COL6A5: variants seen among roughly 807,000 people sequenced by gnomAD.
COL6A5 encodes collagen type VI alpha 5 chain, also known as collagen alpha-5(VI) chain.
COL6A5 carries 48 observed loss-of-function variants against 65.6 expected under a neutral mutation model. The observed-to-expected ratio is 0.73, with a 90% CI of 0.58 to 0.93. The LOEUF (loss-of-function observed/expected upper bound fraction) is 0.93, where lower values mean the gene tolerates loss of function less well. Among genes scored for constraint, COL6A5 ranks in the 40% least tolerant of loss-of-function variants. COL6A5 has a pLI of 0.00. For synonymous variants in COL6A5, 291 were observed against 322.8 expected (o/e 0.90, Z 1.05); for missense variants, 914 against 928.3 (o/e 0.98, Z 0.20).
chr3:130,407,651 C>T (rs1447167987), intron 17 of COL6A5, among the ~76,000 whole-genome samples: 2 of 152,186 alleles, frequency 1.3e-5, no homozygotes, highest in Non-Finnish European at 1.5e-5. Flanking sequence ...AAATACCTAC[C>T]TCCATTCTGC....
chr3:130,440,729 C>T (rs1577512553), exon 3 of COL6A5: 1 of 1,613,376 alleles, frequency 6.2e-7, no homozygotes. Flanking sequence ...AGCCAGCTAC[C>T]CACTTGATCA....
chr3:130,444,450 G>GTA (rs1418562354), intron 4 of COL6A5, among the ~76,000 whole-genome samples: 1 of 152,164 alleles, frequency 6.6e-6, no homozygotes, highest in Non-Finnish European at 1.5e-5. Flanking sequence ...AATGATAAAA[G>GTA]TATTAATTTG....
chr3:130,359,755 G>T (rs1935048138), intron 1 of COL6A5, among the ~76,000 whole-genome samples: 1 of 152,016 alleles, frequency 6.6e-6, no homozygotes, highest in Non-Finnish European at 1.5e-5. Context: ...GGCTGCTTTT[G>T]GAAGGGCAAA....
rs765852872 is a variant in COL6A5, at chr3:130,382,859, G to T, written c.1301-1945G>T. Among the ~76,000 whole-genome samples, 61 of 152,192 alleles carry T rather than the reference G, an allele frequency of 4.0e-4. 1 individual carries two copies. The highest frequency in any genetic ancestry group is 4.4e-4 in the Non-Finnish European group (30 of 67,958). On this transcript the variant is annotated intron_variant and NMD_transcript_variant, in intron 4 of 41. Transcript: ENST00000312481. ...TAGAAAAAGAATGACAATTATCTAT[G>T]TAAAAATGAGAGCTATCAATGCCCA...
intron 7 of COL6A5, among the ~76,000 whole-genome samples, chr3:130,393,636 T>C (rs926716500): frequency 2.6e-5 from 4 of 152,056 alleles, no homozygotes; most frequent in Admixed American, 2.6e-4. Context: ...AAGATGTTTA[T>C]TAGGGATCCA....
chr3:130,426,996 A>G (rs200008172), upstream of COL6A5, among the ~76,000 whole-genome samples: 22 of 152,362 alleles, frequency 1.4e-4, no homozygotes, highest in East Asian at 4.0e-3. Flanking sequence ...ATAGGTAAAT[A>G]TATGATTGTT....
At chr3:130,435,637 A>G (rs9869593) in intron 1 of COL6A5, among the ~76,000 whole-genome samples, 11,496 of 152,152 alleles carry the variant, frequency 0.076, 944 homozygotes, top group East Asian at 0.32. Flanking sequence ...GTTCTCCTTG[A>G]AGATGTCCTT....
At chr3:130,371,913 A>G (rs1164218422) in intron 1 of COL6A5, among the ~76,000 whole-genome samples, 1 of 152,210 alleles carries the variant, frequency 6.6e-6, no homozygotes, top group Non-Finnish European at 1.5e-5. Context: ...GCAGGAGTAT[A>G]TTAGCAAGTC....
At chr3:130,482,642 G>A (rs1031454223) in intron 7 of COL6A5, among the ~76,000 whole-genome samples, 4 of 152,078 alleles carry the variant, frequency 2.6e-5, no homozygotes, top group Non-Finnish European at 4.4e-5. Context: ...GGTCAGTATG[G>A]CCATTTTCAC....
chr3:130,410,587 G>A, intron 20 of COL6A5, 63 bp downstream of exon 20: 1 of 1,388,612 alleles, frequency 7.2e-7, no homozygotes. Flanking sequence ...GAGGCATTCA[G>A]AATATTTGTT....
chr3:130,452,481 T>C (rs1463348608), intron 4 of COL6A5, among the ~76,000 whole-genome samples: 1 of 152,184 alleles, frequency 6.6e-6, no homozygotes, highest in African/African-American at 2.4e-5. Context: ...GGTTCCGTGA[T>C]GCCCCACAAG....
chr3:130,444,159 C>G (rs1299888198), intron 4 of COL6A5, among the ~76,000 whole-genome samples: 1 of 152,178 alleles, frequency 6.6e-6, no homozygotes, highest in Non-Finnish European at 1.5e-5. Flanking sequence ...TTAAGGTTAC[C>G]TGTCTTGTTC....
At chr3:130,389,907 A>G (rs1041739301) in intron 6 of COL6A5, among the ~76,000 whole-genome samples, 2 of 152,192 alleles carry the variant, frequency 1.3e-5, no homozygotes, top group African/African-American at 4.8e-5. Context: ...TAAGAAAACA[A>G]ACCCAAGTAA....
intron 2 of COL6A5, among the ~76,000 whole-genome samples, chr3:130,375,102 A>T (rs1264511623): frequency 2.0e-5 from 3 of 152,180 alleles, no homozygotes; most frequent in African/African-American, 7.2e-5. Context: ...CTGCTAAGGT[A>T]GATACTATTG....
chr3:130,393,077 TGTGTGTGTG>T (rs1936458587), intron 7 of COL6A5, among the ~76,000 whole-genome samples: 1 of 73,202 alleles, frequency 1.4e-5, no homozygotes. Flanking sequence ...GTTTTTTTTT[TGTGTGTGTG>T]TGTGTGTGTG....
chr3:130,391,860 C>T (rs1354723566), intron 7 of COL6A5, 106 bp downstream of exon 7: 1 of 837,306 alleles, frequency 1.2e-6, no homozygotes, highest in Non-Finnish European at 1.8e-6. Context: ...ATGGACTGAA[C>T]ATTTCTCTGC....
intron 7 of COL6A5, 123 bp from the exon 8 acceptor site, chr3:130,394,767 A>G: frequency 1.5e-6 from 1 of 680,378 alleles, no homozygotes; most frequent in East Asian, 2.8e-5. Context: ...TCTCTTGTTA[A>G]CTTATCTCAA....
intron 4 of COL6A5, among the ~76,000 whole-genome samples, chr3:130,451,715 C>G (rs555252813): frequency 6.6e-6 from 1 of 151,940 alleles, no homozygotes; most frequent in African/African-American, 2.4e-5. Context: ...CAAAGTCATC[C>G]GAGTTAGACA....
chr3:130,431,376 G>C (rs1175573036), upstream of COL6A5: 3 of 1,438,802 alleles, frequency 2.1e-6, no homozygotes, highest in Non-Finnish European at 2.8e-6. Flanking sequence ...CTTTGCCTCT[G>C]TATGAACCCA....
Sources: allele counts gnomAD v4.1 joint callset (sites outside exome capture counted in the v4.1 genomes callset), GRCh38; gene constraint gnomAD v4.1.1; transcripts MANE v1.5; gene names NCBI Gene and HGNC (gene_info 2026-07-23, HGNC 2026-07-21).